The following ARMC9 variants were observed in gnomAD, a reference collection of about 807,000 sequenced individuals.
The protein encoded by ARMC9 is armadillo repeat containing 9.
ARMC9 carries 94 observed loss-of-function variants against 107.0 expected under a neutral mutation model. That is an observed-to-expected ratio of 0.88 (90% CI 0.74 to 1.04). The LOEUF is 1.04. Ranked by LOEUF, ARMC9 falls within the 50% of genes least tolerant of loss-of-function variation. The probability of loss-of-function intolerance (pLI) is 0.00; values close to 1 mark genes in which losing one functional copy is unlikely to be tolerated. For synonymous variants in ARMC9, 380 were observed against 396.9 expected, an observed-to-expected ratio of 0.96 and a Z score of 0.51; for missense variants, 942 against 1,030.1, an observed-to-expected ratio of 0.91 and a Z score of 1.17.
In ARMC9 at chr2:231,278,439, T is replaced by C; in HGVS notation, c.1532T>C (p.Leu511Pro). The C allele has an allele frequency of 1.9e-6, 3 of 1,614,134 alleles. No individual in the cohort carries two copies. Among genetic ancestry groups the C allele is most frequent in the Non-Finnish European group, 2.5e-6 (3 of 1,180,026 alleles). The change falls in exon 16 of 25, where the codon CTT becomes CCT. Residue 511 changes from leucine to proline, a missense_variant. Leu to Pro is a moderately conservative substitution (Grantham distance 98). Coordinates refer to ENST00000611582, the MANE Select transcript of ARMC9 (RefSeq NM_001352754.2). ...GTGCTCAAAGTCCTTTCGGATCTTC[T>C]TGGCCATGAAAACCATGAGGTACTC... is the stretch of plus-strand genomic sequence containing the variant. ...GLVLKVLSDL[L>P]GHENHEIQPY...
At chr2:231,346,243 C>A (rs1253279460) in intron 21 of ARMC9, among the ~76,000 whole-genome samples, 3 of 152,152 alleles carry the variant, frequency 2.0e-5, no homozygotes, top group East Asian at 3.8e-4. Context: ...TGAAGATGGC[C>A]AGGCGTGGTG....
rs759033379 is a variant in ARMC9 at position 231,376,193 on chromosome 2, G to A, written c.*4658G>A. Among the ~76,000 whole-genome samples, 11 of 152,090 alleles carry A rather than the reference G, an allele frequency of 7.2e-5. No individual in the cohort carries two copies. Among genetic ancestry groups the A allele is most frequent in the Non-Finnish European group, 1.2e-4 (8 of 68,030 alleles). On this transcript the variant is annotated 3_prime_UTR_variant, in exon 25 of 25. Transcript: ENST00000611582. Reference sequence around the variant, plus strand: ...CAAATTGTACAGCATGTGTGTTTGCGCAATATGAAATCTGAGCACCTTGAA... The same window carrying A: ...CAAATTGTACAGCATGTGTGTTTGCACAATATGAAATCTGAGCACCTTGAA...
intron 9 of ARMC9, among the ~76,000 whole-genome samples, chr2:231,241,121 C>T (rs1325713018): frequency 6.6e-6 from 1 of 151,396 alleles, no homozygotes; most frequent in African/African-American, 2.4e-5. Context: ...TCGCTTGAAC[C>T]CGGGAGGCAG....
intron 7 of ARMC9, among the ~76,000 whole-genome samples, chr2:231,231,079 C>T (rs2035168668): frequency 6.6e-6 from 1 of 152,212 alleles, no homozygotes; most frequent in African/African-American, 2.4e-5. Flanking sequence ...AAAAGTTCCA[C>T]AGATAATCTC....
intron 20 of ARMC9, among the ~76,000 whole-genome samples, chr2:231,341,597 T>C (rs967974123): frequency 7.4e-5 from 11 of 149,144 alleles, no homozygotes; most frequent in African/African-American, 2.9e-4. Flanking sequence ...GATTATTTTC[T>C]ATGTGTACAG....
intron 9 of ARMC9, among the ~76,000 whole-genome samples, chr2:231,240,737 A>T (rs191400632): frequency 3.5e-4 from 53 of 152,316 alleles, no homozygotes; most frequent in African/African-American, 1.2e-3. Context: ...TAGTTGAGTC[A>T]ATAATGTCCT....
chr2:231,202,264 T>G lies in ARMC9; in HGVS notation c.-42+3566T>G, dbSNP rs571565263. Among the ~76,000 whole-genome samples the G allele has an allele frequency of 5.3e-5, 8 of 151,904 alleles. No individual in the cohort carries two copies. The South Asian group carries it at 1.7e-3, about 32-fold the overall frequency. ...ATCTGCCTGCCTTGGCCTCCCAAAGTGCTGGGATTACAGGCGTGAGCCACC... is the reference window on the plus strand; with the variant it reads ...ATCTGCCTGCCTTGGCCTCCCAAAGGGCTGGGATTACAGGCGTGAGCCACC... On this transcript the variant is annotated intron_variant, in intron 1 of 24. Transcript: ENST00000611582.
chr2:231,339,944 A>G (rs947083336), intron 20 of ARMC9, among the ~76,000 whole-genome samples: 2 of 152,208 alleles, frequency 1.3e-5, no homozygotes, highest in South Asian at 2.1e-4. Flanking sequence ...AACCACAACA[A>G]CAGCAAACAC....
At chr2:231,356,461 A>G (rs1474739455) in intron 22 of ARMC9, among the ~76,000 whole-genome samples, 3 of 152,240 alleles carry the variant, frequency 2.0e-5, no homozygotes, top group African/African-American at 7.2e-5. Context: ...TCAGAAATGT[A>G]CAAAGTATTT....
intron 21 of ARMC9, among the ~76,000 whole-genome samples, chr2:231,352,692 T>C (rs2045146355): frequency 6.6e-6 from 1 of 151,170 alleles, no homozygotes; most frequent in African/African-American, 2.4e-5. Flanking sequence ...GATAGATAGA[T>C]AGATAGATAG....
At chr2:231,301,241 T>TATATATAGTATCA (rs2041707371) in intron 19 of ARMC9, among the ~76,000 whole-genome samples, 1 of 152,248 alleles carries the variant, frequency 6.6e-6, no homozygotes, top group East Asian at 1.9e-4. Context: ...AGTTGATACT[T>TATATATAGTATCA]TTTAATGCTA....
Position 231,355,896 on chromosome 2 carries a change from G to A in ARMC9, c.2093G>A (p.Gly698Asp), listed in dbSNP as rs2125590867. 6.5e-7 allele frequency: 1 copy of A among 1,536,130 alleles called. No individual in the cohort carries two copies. The highest frequency in any genetic ancestry group is 1.4e-5 in the African/African-American group (1 of 73,166). Residue 698 changes from glycine to aspartate, a missense_variant, in exon 22 of 25, where the codon GGC becomes GAC. By Grantham distance (94) the Gly-to-Asp change is moderately conservative. Coordinates refer to ENST00000611582, the MANE Select transcript of ARMC9 (RefSeq NM_001352754.2). The stretch of plus-strand genomic sequence containing the variant: ...GCTCACGAGGCTGTCTACAGGGAGG[G>A]CAAGCCCAGCACCCCGGAGTCCTGC... The part of the protein sequence containing the change: ...PAAHEAVYRE[G>D]KPSTPESCVS...
At chr2:231,223,786 T>C (rs779841672) in intron 6 of ARMC9, among the ~76,000 whole-genome samples, 1 of 152,340 alleles carries the variant, frequency 6.6e-6, no homozygotes, top group Admixed American at 6.5e-5. Flanking sequence ...AACGGACTGA[T>C]CTACAGCTCT....
At chr2:231,311,770 CAAAAAAAAAAA>C (rs56713732) in intron 19 of ARMC9, among the ~76,000 whole-genome samples, 103 of 60,644 alleles carry the variant, frequency 1.7e-3, no homozygotes, top group Non-Finnish European at 2.5e-3. Flanking sequence ...ACTCCATCGC[CAAAAAAAAAAA>C]AAAAAAAAAA....
chr2:231,202,662 A>G (rs939466652), intron 1 of ARMC9, among the ~76,000 whole-genome samples: 4 of 151,792 alleles, frequency 2.6e-5, no homozygotes, highest in African/African-American at 9.7e-5. Context: ...TTTGCTCAGC[A>G]CCCATATTCT....
intron 19 of ARMC9, among the ~76,000 whole-genome samples, chr2:231,325,043 G>GA (rs2043235859): frequency 6.6e-6 from 1 of 152,110 alleles, no homozygotes; most frequent in Admixed American, 6.5e-5. Flanking sequence ...GGGCAACATG[G>GA]AAAAACCCTG....
chr2:231,267,526 CG>C (rs1171752582), intron 12 of ARMC9, among the ~76,000 whole-genome samples: 1 of 152,210 alleles, frequency 6.6e-6, no homozygotes, highest in Non-Finnish European at 1.5e-5. Context: ...CCACTGCACC[CG>C]GCCCGGCAGC....
intron 7 of ARMC9, among the ~76,000 whole-genome samples, 157 bp from the exon 8 acceptor site, chr2:231,235,067 G>A (rs914908337): frequency 1.3e-5 from 2 of 152,244 alleles, no homozygotes; most frequent in African/African-American, 2.4e-5. Flanking sequence ...AATAAATGTG[G>A]CATAAAATAG....
chr2:231,207,610 G>A (rs1038145232), intron 2 of ARMC9, among the ~76,000 whole-genome samples: 1 of 152,274 alleles, frequency 6.6e-6, no homozygotes, highest in Admixed American at 6.5e-5. Context: ...CGAGTAGCTG[G>A]GACTACAGGC....
Sources: gnomAD v4.1 joint callset for allele counts (sites outside exome capture counted in the v4.1 genomes callset) on GRCh38, gnomAD v4.1.1 for gene constraint, MANE v1.5 for transcripts, NCBI Gene and HGNC (gene_info 2026-07-23, HGNC 2026-07-21) for gene names.